NFAT5: variants seen among roughly 807,000 people sequenced by gnomAD.
NFAT5 encodes the protein nuclear factor of activated T-cells 5.
In NFAT5, 31 loss-of-function variants were observed where a neutral mutation model predicts 166.5. The observed-to-expected ratio is 0.19, with a 90% CI of 0.14 to 0.25. The LOEUF is 0.25. NFAT5 is among the 10% of genes least tolerant of loss of function. NFAT5 has a pLI of 1.00. For missense variants in NFAT5, 1,449 were observed against 1,821.8 expected, an observed-to-expected ratio of 0.80 and a Z score of 3.72; for synonymous variants, 612 against 639.7, an observed-to-expected ratio of 0.96 and a Z score of 0.65.
At chr16:69,638,244 A>G (rs1262788220) in intron 3 of NFAT5, among the ~76,000 whole-genome samples, 1 of 152,058 alleles carries the variant, frequency 6.6e-6, no homozygotes, top group Non-Finnish European at 1.5e-5. Context: ...AGCAACAACA[A>G]AAACAAAAAA....
chr16:69,618,705 CTCTT>C (rs10557865), intron 2 of NFAT5, among the ~76,000 whole-genome samples: 6,684 of 152,186 alleles, frequency 0.044, 491 homozygotes, highest in African/African-American at 0.15. Context: ...TTTTTTCTAA[CTCTT>C]TCAGATTCCA....
chr16:69,654,568 G>A (rs1261839070), intron 5 of NFAT5, among the ~76,000 whole-genome samples: 1 of 152,140 alleles, frequency 6.6e-6, no homozygotes, highest in African/African-American at 2.4e-5. Flanking sequence ...TGGTCATTAC[G>A]TTTAACCTAA....
chr16:69,647,472 G>T lies in NFAT5; in HGVS notation c.698G>T (p.Arg233Leu). The change falls in exon 4 of 15, where the codon CGA (arginine) becomes CTA (leucine). Residue 233 changes from arginine to leucine, a missense_variant. Transcript: ENST00000349945. The surrounding 1 kb of genome is among the most constrained non-coding windows in gnomAD (Gnocchi z 4.8). ...NPKQRPGVKRRDCEESNMDIF... is the reference protein window; with the variant it reads ...NPKQRPGVKRLDCEESNMDIF... ...AAGCAGAGGCCGGGGGTCAAACGAC[G>T]AGATTGTGAAGAATCTAATATGGAT... 6.2e-7 allele frequency: 1 copy of T among 1,613,606 alleles called. No individual in the cohort carries two copies. The highest frequency in any genetic ancestry group is 1.1e-5 in the South Asian group (1 of 91,078).
At position 69,647,370 on chromosome 16, in the gene NFAT5, CCAACTTCAGTAA is replaced by C; in HGVS notation, c.599_610del (p.Asn200_Asn203del). 6.2e-7 allele frequency: 1 copy of C among 1,614,152 alleles called. No homozygotes were observed. The highest frequency in any genetic ancestry group is 2.2e-5 in the East Asian group (1 of 44,870). The stretch of plus-strand genomic sequence containing the variant: ...AGTATGTGGATGGAGGATTCCCCCT[CCAACTTCAGTAA>C]CATGAGCACCAGTTCCTACAATGAT... On this transcript the variant is annotated inframe_deletion, in exon 4 of 15. Transcript: ENST00000349945. This position sits in a 1 kb window ranked among gnomAD's most constrained non-coding sequence, Gnocchi z 4.8.
At chr16:69,578,871 G>C (rs909497388) in intron 2 of NFAT5, among the ~76,000 whole-genome samples, 1 of 151,484 alleles carries the variant, frequency 6.6e-6, no homozygotes, top group Non-Finnish European at 1.5e-5. Flanking sequence ...AGTTGCATCT[G>C]AATAAGTTTT....
chr16:69,575,151 G>A (rs1209037572), intron 2 of NFAT5, among the ~76,000 whole-genome samples: 1 of 152,132 alleles, frequency 6.6e-6, no homozygotes. Flanking sequence ...AGTGAGCTAA[G>A]TTGTTGATTA....
chr16:69,647,595 T>G lies in NFAT5; in HGVS notation c.812+9T>G. On this transcript the variant is annotated intron_variant, in intron 4 of 14. Transcript: ENST00000349945. This position sits in a 1 kb window ranked among gnomAD's most constrained non-coding sequence, Gnocchi z 4.8. ...TCAAAAGCGGGAAATGGGTTGGTAT[T>G]CACATTTTTTAAAATTCTATCATCA... 6.5e-7 allele frequency: 1 copy of G among 1,538,940 alleles called. No homozygotes were observed. Among genetic ancestry groups the G allele is most frequent in the Non-Finnish European group, 8.7e-7 (1 of 1,149,124 alleles).
chr16:69,641,044 C>T (rs1396085723), intron 3 of NFAT5, among the ~76,000 whole-genome samples: 2 of 150,964 alleles, frequency 1.3e-5, no homozygotes, highest in Non-Finnish European at 2.9e-5. Context: ...CTTTGAGAGG[C>T]CAAAGTGGGC....
chr16:69,699,087 T>C lies in NFAT5; in HGVS notation c.*2736T>C, dbSNP rs1043460673. The C allele has an allele frequency of 2.6e-5, 4 of 152,762 alleles. No homozygotes were observed. In the East Asian group the frequency reaches 7.7e-4, roughly 29 times the overall value. The allele number at this position is 152,762 out of a possible 1,614,324, so 9.5% of individuals were successfully genotyped here. A position where few individuals can be genotyped will look rare whatever the true frequency, so the allele number is the denominator to read the frequency against. ...CAAACCCAGCAGGTATAAAAAGTAG[T>C]ATAAATACAAATCTGTAAGTTATTT... On this transcript the variant is annotated 3_prime_UTR_variant, in exon 15 of 15. Transcript: ENST00000349945.
intron 11 of NFAT5, among the ~76,000 whole-genome samples, chr16:69,689,962 A>T (rs192463694): frequency 7.2e-5 from 11 of 152,352 alleles, no homozygotes; most frequent in Admixed American, 6.5e-4. Flanking sequence ...CTCGATATCA[A>T]ATTAAGAAAT....
At chr16:69,568,278 C>G (rs910688931) in intron 1 of NFAT5, among the ~76,000 whole-genome samples, 5 of 152,044 alleles carry the variant, frequency 3.3e-5, no homozygotes, top group Admixed American at 6.6e-5. Context: ...CGAGATCGCA[C>G]CATTGCACTC....
At position 69,692,516 on chromosome 16, in the gene NFAT5, A is replaced by ACAG. The variant is rs369235958; in HGVS notation, c.2709_2711dup (p.Gln906dup). On this transcript the variant is annotated inframe_insertion, in exon 13 of 15. Transcript: ENST00000349945. Reference sequence around the variant, plus strand: ...AGTCTGAAAACACGTTATCTAATCAACAGCAGCAGCAGCAGCAGCAACAGC... The same window carrying ACAG: ...AGTCTGAAAACACGTTATCTAATCAACAGCAGCAGCAGCAGCAGCAGCAACAGC... The ACAG allele has an allele frequency of 4.0e-5, 64 of 1,610,176 alleles. 1 individual carries two copies. Among genetic ancestry groups the ACAG allele is most frequent in the Middle Eastern group, 3.3e-4 (2 of 6,042 alleles).
At chr16:69,682,102 A>C (rs528941988) in intron 10 of NFAT5, among the ~76,000 whole-genome samples, 8 of 152,100 alleles carry the variant, frequency 5.3e-5, no homozygotes, top group Middle Eastern at 3.4e-3. Context: ...GTATTCTCTC[A>C]GGCACTTAGA....
At chr16:69,625,505 G>A (rs1194257201) in intron 2 of NFAT5, among the ~76,000 whole-genome samples, 8 of 151,096 alleles carry the variant, frequency 5.3e-5, no homozygotes, top group Non-Finnish European at 1.2e-4. Flanking sequence ...CAGAGAGTAA[G>A]AAGTATTTGC....
At chr16:69,610,324 A>G (rs2033648720) in intron 2 of NFAT5, among the ~76,000 whole-genome samples, 1 of 152,182 alleles carries the variant, frequency 6.6e-6, no homozygotes, top group African/African-American at 2.4e-5. Context: ...AAGGAAAACA[A>G]GATGGGTTTT....
intron 2 of NFAT5, among the ~76,000 whole-genome samples, chr16:69,609,521 A>T (rs958121156): frequency 1.5e-4 from 23 of 152,356 alleles, no homozygotes; most frequent in Middle Eastern, 3.4e-3. Context: ...AAACAAAGTT[A>T]AAATGGAAAA....
chr16:69,621,084 T>A (rs2034174629), intron 2 of NFAT5, among the ~76,000 whole-genome samples: 1 of 152,194 alleles, frequency 6.6e-6, no homozygotes, highest in African/African-American at 2.4e-5. Flanking sequence ...CCTGATCCTC[T>A]AGTAGAAGAG....
intron 1 of NFAT5, among the ~76,000 whole-genome samples, 155 bp from the exon 2 acceptor site, chr16:69,568,340 A>ATG (rs1289905200): frequency 4.7e-4 from 18 of 38,528 alleles, no homozygotes; most frequent in African/African-American, 2.4e-3. Context: ...GTGTGTATAT[A>ATG]TATATATGTG....
chr16:69,637,447 G>GACAT (rs71151124), intron 3 of NFAT5, among the ~76,000 whole-genome samples: 8,997 of 152,264 alleles, frequency 0.059, 409 homozygotes, highest in Middle Eastern at 0.13. Context: ...TGCTGATAAA[G>GACAT]ACATACCCCA....
Sources: gnomAD v4.1 joint callset for allele counts (sites outside exome capture counted in the v4.1 genomes callset) on GRCh38, gnomAD v4.1.1 for gene constraint, Gnocchi (gnomAD v3.1) non-coding constraint, MANE v1.5 for transcripts, NCBI Gene and HGNC (gene_info 2026-07-23, HGNC 2026-07-21) for gene names.